Variants in FGF12 observed in about 807,000 individuals in gnomAD.
FGF12 encodes fibroblast growth factor 12B.
FGF12 carries 14 observed loss-of-function variants against 23.6 expected under a neutral mutation model. The observed-to-expected ratio is 0.59, with a 90% CI of 0.39 to 0.93. FGF12 has a LOEUF of 0.93. Among genes scored for constraint, FGF12 ranks in the 40% least tolerant of loss-of-function variants. The pLI is 0.00. For synonymous variants in FGF12, 62 were observed against 77.3 expected (o/e 0.80, Z 1.04); for missense variants, 175 against 217.8 (o/e 0.80, Z 1.24).
chr3:192,607,293 C>T (rs970478155), intron 2 of FGF12, among the ~76,000 whole-genome samples: 3 of 152,080 alleles, frequency 2.0e-5, no homozygotes, highest in South Asian at 2.1e-4. Context: ...ATCAGAAAGC[C>T]GTTCTGCTGA....
intron 2 of FGF12, among the ~76,000 whole-genome samples, chr3:192,420,955 C>T (rs1721508393): frequency 6.6e-6 from 1 of 151,782 alleles, no homozygotes; most frequent in Non-Finnish European, 1.5e-5. Flanking sequence ...AGAAAACTGA[C>T]TACAAATTGG....
At chr3:192,672,962 A>C (rs954062741) in intron 2 of FGF12, 1 of 151,134 alleles carries the variant, frequency 6.6e-6, no homozygotes, top group Non-Finnish European at 1.5e-5. Flanking sequence ...AGGCAATAAA[A>C]GAAATGCATA....
chr3:192,474,973 C>G (rs1396967131), intron 2 of FGF12, among the ~76,000 whole-genome samples: 1 of 151,880 alleles, frequency 6.6e-6, no homozygotes, highest in Non-Finnish European at 1.5e-5. Context: ...GTTCTGTGGG[C>G]TCTTGAGTCT....
chr3:192,505,115 T>C (rs548372227), intron 2 of FGF12, among the ~76,000 whole-genome samples: 1 of 152,268 alleles, frequency 6.6e-6, no homozygotes, highest in Admixed American at 6.5e-5. Flanking sequence ...TAAAATCATG[T>C]TTGGGAGAAT....
At chr3:192,269,145 C>T (rs1353790925) in intron 4 of FGF12, among the ~76,000 whole-genome samples, 1 of 138,448 alleles carries the variant, frequency 7.2e-6, no homozygotes, top group African/African-American at 2.7e-5. Context: ...AAATTCCTGA[C>T]CTCAAGTGAT....
intron 2 of FGF12, among the ~76,000 whole-genome samples, chr3:192,419,956 G>C (rs973504239): frequency 2.0e-5 from 3 of 152,118 alleles, no homozygotes; most frequent in Non-Finnish European, 4.4e-5. Flanking sequence ...CTGAGTTGTG[G>C]TATTTGAGAA....
intron 4 of FGF12, among the ~76,000 whole-genome samples, chr3:192,242,682 G>A (rs753728663): frequency 5.8e-4 from 88 of 151,958 alleles, no homozygotes; most frequent in Admixed American, 2.0e-3. Flanking sequence ...ATTACCAAAG[G>A]AGGAAACTTG....
Position 192,408,154 on chromosome 3 carries a change from C to T in FGF12, c.14-47616G>A, listed in dbSNP as rs746638362. 3.1e-6 allele frequency: 5 copies of T among 1,611,448 alleles called. No individual in the cohort carries two copies. In the African/African-American group the frequency reaches 4.0e-5, roughly 13 times the overall value. ...CTGGAGCGGCGCTTGGAGGCCGACA[C>T]TCGGTCGCTGTTGGACTCCCTCGCC... On this transcript the variant is annotated intron_variant, in intron 2 of 5. Coordinates refer to ENST00000445105, the MANE Select transcript of FGF12 (RefSeq NM_004113.6). The surrounding 1 kb of genome is among the most constrained non-coding windows in gnomAD (Gnocchi z 7.3).
At chr3:192,667,449 C>CA (rs572987859) in intron 2 of FGF12, among the ~76,000 whole-genome samples, 2,717 of 145,266 alleles carry the variant, frequency 0.019, 40 homozygotes, top group African/African-American at 0.045. Flanking sequence ...ACCAAAAATA[C>CA]AAAAAAAAAA....
chr3:192,297,553 T>C (rs1014047122), intron 4 of FGF12, among the ~76,000 whole-genome samples: 1 of 152,204 alleles, frequency 6.6e-6, no homozygotes, highest in Non-Finnish European at 1.5e-5. Flanking sequence ...TTTGTCAATA[T>C]TTCCCTGGCA....
At chr3:192,539,367 T>C (rs1246264869) in intron 2 of FGF12, among the ~76,000 whole-genome samples, 1 of 152,212 alleles carries the variant, frequency 6.6e-6, no homozygotes, top group Non-Finnish European at 1.5e-5. Flanking sequence ...TTGAATTTTA[T>C]CAAATAATTT....
chr3:192,669,944 G>A (rs533104637), intron 2 of FGF12, among the ~76,000 whole-genome samples: 7 of 152,162 alleles, frequency 4.6e-5, no homozygotes, highest in Non-Finnish European at 1.0e-4. Context: ...AGCATAAAGA[G>A]TTAATTGATA....
At chr3:192,640,803 G>T (rs75848624) in intron 2 of FGF12, among the ~76,000 whole-genome samples, 28 of 33,274 alleles carry the variant, frequency 8.4e-4, no homozygotes, top group African/African-American at 2.4e-3. Context: ...TTTTTTGTTT[G>T]TTTGTTTGTT....
Position 192,538,306 on chromosome 3 carries a change from T to C in FGF12, c.14-177768A>G, listed in dbSNP as rs77292273. ...GTTTTTGTATATGGTTAGCTAGAGA[T>C]AGGGGGTCTAGTTCCATTCCGCTGC... On this transcript the variant is annotated intron_variant, in intron 2 of 5. Transcript: ENST00000445105. Among the ~76,000 whole-genome samples, 926 of 152,192 alleles carry C rather than the reference T, an allele frequency of 6.1e-3. 4 individuals carry two copies. The highest frequency in any genetic ancestry group is 9.3e-3 in the Non-Finnish European group (632 of 68,002).
At chr3:192,317,982 A>G (rs1716318296) in intron 4 of FGF12, among the ~76,000 whole-genome samples, 1 of 152,154 alleles carries the variant, frequency 6.6e-6, no homozygotes, top group South Asian at 2.1e-4. Context: ...TACCCAAAAC[A>G]CCAAGATGGT....
chr3:192,596,731 T>A (rs1302555677), intron 2 of FGF12, among the ~76,000 whole-genome samples: 1 of 152,184 alleles, frequency 6.6e-6, no homozygotes, highest in Admixed American at 6.6e-5. Context: ...AATACATTAC[T>A]CACAAATTAC....
At chr3:192,486,414 G>C (rs1723635606) in intron 2 of FGF12, among the ~76,000 whole-genome samples, 1 of 152,012 alleles carries the variant, frequency 6.6e-6, no homozygotes, top group South Asian at 2.1e-4. Flanking sequence ...GCCTCTTGGA[G>C]AGCATATTGC....
At chr3:192,392,289 C>T (rs988640671) in intron 2 of FGF12, among the ~76,000 whole-genome samples, 2 of 152,080 alleles carry the variant, frequency 1.3e-5, no homozygotes, top group African/African-American at 4.8e-5. Context: ...TGAACTAAGG[C>T]TGTGAGCAGT....
intron 2 of FGF12, among the ~76,000 whole-genome samples, chr3:192,553,355 ATATAAT>A (rs1560148370): frequency 1.3e-5 from 2 of 152,288 alleles, no homozygotes; most frequent in Non-Finnish European, 2.9e-5. Context: ...AAGGGTATAA[ATATAAT>A]TATAATACAG....
Sources: gnomAD v4.1 joint callset for allele counts (sites outside exome capture counted in the v4.1 genomes callset) on GRCh38, gnomAD v4.1.1 for gene constraint, Gnocchi (gnomAD v3.1) non-coding constraint, MANE v1.5 for transcripts, NCBI Gene and HGNC (gene_info 2026-07-23, HGNC 2026-07-21) for gene names.